Variants in RTN3 observed in about 807,000 individuals in gnomAD.
The protein encoded by RTN3 is reticulon-3.
A neutral mutation model predicts 77.8 loss-of-function variants in RTN3; 49 were observed. That is an observed-to-expected ratio of 0.63 (90% CI 0.50 to 0.80). RTN3 has a LOEUF of 0.80. RTN3 is among the 30% of genes least tolerant of loss of function. The pLI is 0.00. For missense variants in RTN3, 1,236 were observed against 1,211.9 expected, an observed-to-expected ratio of 1.02 and a Z score of -0.29; for synonymous variants, 464 against 446.9, an observed-to-expected ratio of 1.04 and a Z score of -0.48.
chr11:63,716,722 T>C (rs192949055), intron 2 of RTN3, among the ~76,000 whole-genome samples: 3 of 152,160 alleles, frequency 2.0e-5, no homozygotes, highest in Non-Finnish European at 4.4e-5. Flanking sequence ...TCCCAGCTCT[T>C]TGGGAGGCCG....
chr11:63,712,672 G>A (rs1172364370), intron 2 of RTN3, among the ~76,000 whole-genome samples: 1 of 151,896 alleles, frequency 6.6e-6, no homozygotes, highest in Non-Finnish European at 1.5e-5. Context: ...ATTTTTAGTA[G>A]AGATGGGGTT....
intron 3 of RTN3, among the ~76,000 whole-genome samples, chr11:63,743,911 G>C (rs1308895401): frequency 6.6e-6 from 1 of 151,800 alleles, no homozygotes; most frequent in Non-Finnish European, 1.5e-5. Flanking sequence ...CTGAGACTCC[G>C]TCTCAAAACA....
chr11:63,714,239 G>A, intron 2 of RTN3: 1 of 351,562 alleles, frequency 2.8e-6, no homozygotes, highest in Non-Finnish European at 5.6e-6. Flanking sequence ...TAAAGTTAAA[G>A]CACAGATGAT....
At chr11:63,737,873 G>C (rs928670385) in intron 3 of RTN3, among the ~76,000 whole-genome samples, 12 of 152,314 alleles carry the variant, frequency 7.9e-5, no homozygotes, top group Admixed American at 2.6e-4. Context: ...ATGGCCAAAA[G>C]TATGTGTGTC....
intron 2 of RTN3, among the ~76,000 whole-genome samples, chr11:63,715,877 T>C (rs567581387): frequency 6.6e-6 from 1 of 152,348 alleles, no homozygotes; most frequent in South Asian, 2.1e-4. Flanking sequence ...TTAAATGTAA[T>C]CTGTAGTACT....
At chr11:63,749,883 A>T in intron 3 of RTN3, 108 bp from the exon 4 acceptor site, 1 of 796,068 alleles carries the variant, frequency 1.3e-6, no homozygotes, top group Non-Finnish European at 2.0e-6. Flanking sequence ...AGATTATCTT[A>T]AAGTGGGGCA....
At chr11:63,739,833 A>G (rs1165794066) in intron 3 of RTN3, among the ~76,000 whole-genome samples, 1 of 152,176 alleles carries the variant, frequency 6.6e-6, no homozygotes, top group Non-Finnish European at 1.5e-5. Flanking sequence ...AAAAAGATAG[A>G]CTTTAACCAG....
At chr11:63,697,069 A>G (rs1249034077) in intron 1 of RTN3, among the ~76,000 whole-genome samples, 1 of 150,710 alleles carries the variant, frequency 6.6e-6, no homozygotes, top group Non-Finnish European at 1.5e-5. Flanking sequence ...TATTTTTAGT[A>G]GAGATGGGGT....
At chr11:63,714,080 T>G (rs1416139084) in intron 2 of RTN3, 1 of 511,646 alleles carries the variant, frequency 2.0e-6, no homozygotes, top group South Asian at 1.4e-5. Flanking sequence ...GTCTTCATTC[T>G]ATTTAATGTT....
intron 4 of RTN3, among the ~76,000 whole-genome samples, chr11:63,751,718 G>A (rs1200809794): frequency 6.6e-6 from 1 of 152,148 alleles, no homozygotes; most frequent in Non-Finnish European, 1.5e-5. Flanking sequence ...CAGTTCAGGT[G>A]CGGTGACTTA....
chr11:63,753,747 A>ATGT, intron 7 of RTN3, 39 bp downstream of exon 7: 1 of 1,544,376 alleles, frequency 6.5e-7, no homozygotes, highest in Non-Finnish European at 9.0e-7. Context: ...GTGCCAGTTG[A>ATGT]TGTATGACTA....
chr11:63,712,775 G>A lies in RTN3; in HGVS notation c.200-5927G>A, dbSNP rs563323807. 1.5e-3 allele frequency among the ~76,000 whole-genome samples: 228 copies of A among 152,142 alleles called. 4 individuals are homozygous for A. Among genetic ancestry groups the A allele is most frequent in the African/African-American group, 4.4e-3 (182 of 41,526 alleles). ...GCTGGGATTACAGGCGTGAGCCACC[G>A]TGCCTGGCCGACTTCGAATTTTTTA... On this transcript the variant is annotated intron_variant, in intron 2 of 8. Coordinates refer to ENST00000377819, the MANE Select transcript of RTN3 (RefSeq NM_001265589.2).
intron 3 of RTN3, among the ~76,000 whole-genome samples, chr11:63,729,938 C>T (rs924953128): frequency 6.6e-6 from 1 of 151,764 alleles, no homozygotes; most frequent in African/African-American, 2.4e-5. Context: ...GTATATGCCA[C>T]GATGCCCAAC....
chr11:63,723,328 TA>T (rs1565325168), intron 3 of RTN3, among the ~76,000 whole-genome samples: 1 of 151,978 alleles, frequency 6.6e-6, no homozygotes, highest in Non-Finnish European at 1.5e-5. Flanking sequence ...TCTTTAAAAA[TA>T]TAATCCATTT....
intron 3 of RTN3, among the ~76,000 whole-genome samples, chr11:63,745,715 A>T (rs2013754700): frequency 6.6e-6 from 1 of 152,146 alleles, no homozygotes; most frequent in South Asian, 2.1e-4. Context: ...CACTGTTTAC[A>T]CTTGTTATCT....
At chr11:63,708,043 G>A (rs1942581811) in intron 2 of RTN3, among the ~76,000 whole-genome samples, 1 of 152,186 alleles carries the variant, frequency 6.6e-6, no homozygotes, top group Non-Finnish European at 1.5e-5. Flanking sequence ...TTCTAGGGTA[G>A]CCAAGACTGG....
At chr11:63,713,605 T>G (rs2134780057) in intron 2 of RTN3, among the ~76,000 whole-genome samples, 1 of 152,264 alleles carries the variant, frequency 6.6e-6, no homozygotes, top group South Asian at 2.1e-4. Context: ...GCCACCACAC[T>G]CAGCTGATTC....
chr11:63,695,731 C>T (rs1941904907), intron 1 of RTN3, among the ~76,000 whole-genome samples: 1 of 152,088 alleles, frequency 6.6e-6, no homozygotes, highest in East Asian at 1.9e-4. Flanking sequence ...AATATCTGAC[C>T]AGAGTCTTAT....
intron 1 of RTN3, among the ~76,000 whole-genome samples, chr11:63,702,861 A>G (rs1369049709): frequency 1.3e-5 from 2 of 150,652 alleles, no homozygotes; most frequent in East Asian, 2.0e-4. Flanking sequence ...AATTTTTTGT[A>G]TTTTTAGTAG....
Sources: allele counts gnomAD v4.1 joint callset (sites outside exome capture counted in the v4.1 genomes callset), GRCh38; gene constraint gnomAD v4.1.1; transcripts MANE v1.5; gene names NCBI Gene and HGNC (gene_info 2026-07-23, HGNC 2026-07-21).